CIDEA: variants seen among roughly 807,000 people sequenced by gnomAD.
CIDEA encodes lipid transferase CIDEA.
A neutral mutation model predicts 18.2 loss-of-function variants in CIDEA; 10 were observed. That is an observed-to-expected ratio of 0.55 (90% CI 0.34 to 0.93). The LOEUF (loss-of-function observed/expected upper bound fraction) is 0.93, where lower values mean the gene tolerates loss of function less well. Among genes scored for constraint, CIDEA ranks in the 40% least tolerant of loss-of-function variants. The pLI is 0.02. For missense variants in CIDEA, 309 were observed against 293.1 expected (o/e 1.05, Z -0.40); for synonymous variants, 128 against 124.8 (o/e 1.03, Z -0.17).
chr18:12,268,380 G>GT (rs11461529), intron 3 of CIDEA, among the ~76,000 whole-genome samples: 42,781 of 136,030 alleles, frequency 0.31, 6,670 homozygotes, highest in African/African-American at 0.4. Flanking sequence ...GCCCCCAGTG[G>GT]TTTTTTTTTT....
chr18:12,275,125 C>A (rs1912669771), intron 4 of CIDEA, among the ~76,000 whole-genome samples: 1 of 152,246 alleles, frequency 6.6e-6, no homozygotes, highest in Non-Finnish European at 1.5e-5. Context: ...GAGTTCGAGA[C>A]CAGCCTAGCC....
At position 12,277,510 on chromosome 18, in the gene CIDEA, C is replaced by T; in HGVS notation, c.*240C>T. On this transcript the variant is annotated 3_prime_UTR_variant, in exon 5 of 5. Coordinates refer to ENST00000320477, the MANE Select transcript of CIDEA (RefSeq NM_001279.4). Reference sequence around the variant, plus strand: ...GGGGTCATGGGAAGCGAGCACGCAGCAGGCGTGCCCAGGAGCGTGTGCATG... The same window carrying T: ...GGGGTCATGGGAAGCGAGCACGCAGTAGGCGTGCCCAGGAGCGTGTGCATG... 1.9e-6 allele frequency: 1 copy of T among 514,456 alleles called. No homozygotes were observed. The highest frequency in any genetic ancestry group is 2.3e-5 in the South Asian group (1 of 43,218). 31.9% of individuals were successfully genotyped at this position (514,456 alleles called of 1,614,324 possible).
Position 12,277,151 on chromosome 18 carries a change from G to A in CIDEA, c.541G>A (p.Ala181Thr), listed in dbSNP as rs115278913. The change falls in exon 5 of 5, where the codon GCC (alanine) becomes ACC (threonine). Residue 181 changes from alanine (A) to threonine (T), a missense_variant. By Grantham distance (58) the Ala-to-Thr change is moderately conservative. Transcript: ENST00000320477. ...TCTGCTGCGGTTCCTGTCCTACTCC[G>A]CCCAGGTGACGGGACAGTTTCTCAT... ...RSLLRFLSYS[A>T]QVTGQFLIYL... 3.5e-3 allele frequency: 5,574 copies of A among 1,614,088 alleles called. 14 individuals are homozygous for A. Among genetic ancestry groups the A allele is most frequent in the Non-Finnish European group, 4.1e-3 (4,877 of 1,180,010 alleles).
chr18:12,261,177 G>A (rs1278774801), intron 1 of CIDEA, among the ~76,000 whole-genome samples: 1 of 152,230 alleles, frequency 6.6e-6, no homozygotes, highest in Non-Finnish European at 1.5e-5. Flanking sequence ...GAGGTCAGGA[G>A]TTTGAAACCA....
Position 12,262,396 on chromosome 18 carries a change from T to C in CIDEA, c.39-429T>C, listed in dbSNP as rs563802751. ...TTTGAATTGATTTCTGGCTTACCCTTATTGTGTAAACATGTAGCTATGTGC... is the reference window on the plus strand; with the variant it reads ...TTTGAATTGATTTCTGGCTTACCCTCATTGTGTAAACATGTAGCTATGTGC... On this transcript the variant is annotated intron_variant, in intron 1 of 4. Transcript: ENST00000320477. Among the ~76,000 whole-genome samples, 211 of 152,314 alleles carry C rather than the reference T, an allele frequency of 1.4e-3. 3 individuals carry two copies. Among genetic ancestry groups the C allele is most frequent in the South Asian group, 7.0e-3 (34 of 4,832 alleles).
In CIDEA at chr18:12,277,435, A is replaced by T. The variant is rs1461929091; in HGVS notation, c.*165A>T. 7 of 627,254 alleles carry T rather than the reference A, an allele frequency of 1.1e-5. No individual in the cohort carries two copies. The highest frequency in any genetic ancestry group is 1.8e-5 in the Non-Finnish European group (7 of 395,966). 38.9% of individuals were successfully genotyped at this position (627,254 alleles called of 1,614,324 possible). ...AAGGAAAGGGCTTGGTGGTACATGA[A>T]GTGGGGGCAGTGGGCAGGGTGCCCT... is the stretch of plus-strand genomic sequence containing the variant. On this transcript the variant is annotated 3_prime_UTR_variant, in exon 5 of 5. Coordinates refer to ENST00000320477, the MANE Select transcript of CIDEA (RefSeq NM_001279.4).
intron 1 of CIDEA, among the ~76,000 whole-genome samples, chr18:12,259,861 CA>C (rs1912141534): frequency 6.6e-6 from 1 of 151,958 alleles, no homozygotes; most frequent in Non-Finnish European, 1.5e-5. Flanking sequence ...ACTCTGTCTC[CA>C]AAAACAAACA....
chr18:12,276,017 G>A lies in CIDEA; in HGVS notation c.513-1106G>A, dbSNP rs534016831. The stretch of plus-strand genomic sequence containing the variant: ...TCTTATTTTTTTTCTTTTTTGAGAC[G>A]GAATCTCACTCTGCTGCCCAGGCTG... On this transcript the variant is annotated intron_variant, in intron 4 of 4. Coordinates refer to ENST00000320477, the MANE Select transcript of CIDEA (RefSeq NM_001279.4). Among the ~76,000 whole-genome samples the A allele has an allele frequency of 3.4e-4, 42 of 123,170 alleles. 1 individual carries two copies. The highest frequency in any genetic ancestry group is 8.2e-4 in the Admixed American group (8 of 9,750). The allele number at this position is 123,170 out of a possible 152,430, so 80.8% of individuals were successfully genotyped here.
rs150856466 is a variant in CIDEA, at chr18:12,262,926, G to T, written c.140G>T (p.Arg47Leu). 2 of 1,613,974 alleles carry T rather than the reference G, an allele frequency of 1.2e-6. No individual in the cohort carries two copies. Among genetic ancestry groups the T allele is most frequent in the Non-Finnish European group, 1.7e-6 (2 of 1,180,028 alleles). ...FRVSNHDRSSRRGVMASSLQE... is the reference protein window; with the variant it reads ...FRVSNHDRSSLRGVMASSLQE... ...GTCTCCAACCATGACAGGAGCAGCC[G>T]GCGTGGGGTGATGGCAAGCAGCCTG... The change falls in exon 2 of 5, where the codon CGG (arginine) becomes CTG (leucine). Residue 47 changes from arginine to leucine, a missense_variant. Physicochemically the swap from Arg to Leu is moderately radical, Grantham distance 102. Coordinates refer to ENST00000320477, the MANE Select transcript of CIDEA (RefSeq NM_001279.4).
At chr18:12,274,043 G>T in intron 3 of CIDEA, 50 bp from the exon 4 acceptor site, 1 of 1,594,454 alleles carries the variant, frequency 6.3e-7, no homozygotes. Flanking sequence ...GTGATGACGT[G>T]GGAGGGTTAG....
In CIDEA at chr18:12,265,490, G is replaced by A. The variant is rs9966865; in HGVS notation, c.330+1037G>A. Among the ~76,000 whole-genome samples the A allele has an allele frequency of 1.5e-3, 233 of 152,318 alleles. 1 individual carries two copies. The highest frequency in any genetic ancestry group is 5.4e-3 in the African/African-American group (225 of 41,570). Reference sequence around the variant, plus strand: ...ACAAAGTCAAGGGGTGAGATGTGAGGGTCTGCGTAAAGCAGGGAATCTTAG... The same window carrying A: ...ACAAAGTCAAGGGGTGAGATGTGAGAGTCTGCGTAAAGCAGGGAATCTTAG... On this transcript the variant is annotated intron_variant, in intron 3 of 4. Coordinates refer to ENST00000320477, the MANE Select transcript of CIDEA (RefSeq NM_001279.4).
At chr18:12,274,315 G>A in intron 4 of CIDEA, 41 bp downstream of exon 4, 4 of 1,597,184 alleles carry the variant, frequency 2.5e-6, no homozygotes, top group African/African-American at 1.3e-5. Context: ...TCTGCAGACT[G>A]CACAGGGTGT....
At chr18:12,271,792 C>A (rs1406855036) in intron 3 of CIDEA, among the ~76,000 whole-genome samples, 2 of 152,008 alleles carry the variant, frequency 1.3e-5, no homozygotes, top group Admixed American at 6.5e-5. Flanking sequence ...CCAGTTTAGA[C>A]TGAGACCAGA....
rs116777437 is a variant in CIDEA at position 12,264,400 on chromosome 18, T to G, written c.277T>G (p.Leu93Val). ...GGACACAGAAGAGTTCTTTCAGACC[T>G]TGGGAGACAACACGCATTTCATGAT... Reference protein sequence around the residue: ...VVDTEEFFQTLGDNTHFMILE... With the variant: ...VVDTEEFFQTVGDNTHFMILE... The change falls in exon 3 of 5, where the codon TTG (leucine) becomes GTG (valine). Residue 93 changes from leucine (L) to valine (V), a missense_variant. Coordinates refer to ENST00000320477, the MANE Select transcript of CIDEA (RefSeq NM_001279.4). 9.6e-4 allele frequency: 1,556 copies of G among 1,614,052 alleles called. 18 individuals carry two copies. In the African/African-American group the frequency reaches 0.019, roughly 20 times the overall value.
At chr18:12,263,014 T>C in intron 2 of CIDEA, 45 bp downstream of exon 2, 1 of 1,599,722 alleles carries the variant, frequency 6.3e-7, no homozygotes, top group Non-Finnish European at 8.5e-7. Flanking sequence ...AGGGGTGCCC[T>C]GCACTCACAC....
rs138688596 is a variant in CIDEA, at chr18:12,254,393, G to C, written c.10G>C (p.Ala4Pro). The change falls in exon 1 of 5, where the codon GCC becomes CCC. Residue 4 changes from alanine to proline, a missense_variant. Ala to Pro is a conservative substitution (Grantham distance 27, BLOSUM62 -1). Coordinates refer to ENST00000320477, the MANE Select transcript of CIDEA (RefSeq NM_001279.4). MEA[A>P]RDYAGALIRP... Reference sequence around the variant, plus strand: ...CTAGGGGATCCGCGCCATGGAGGCCGCCCGGGACTATGCAGGAGCCCTCAT... The same window carrying C: ...CTAGGGGATCCGCGCCATGGAGGCCCCCCGGGACTATGCAGGAGCCCTCAT... The C allele has an allele frequency of 1.2e-5, 19 of 1,554,646 alleles. No individual in the cohort carries two copies. The East Asian group carries it at 4.1e-4, about 33-fold the overall frequency.
chr18:12,255,011 C>T (rs7240075), intron 1 of CIDEA: 2 of 1,111,574 alleles, frequency 1.8e-6, no homozygotes, highest in Non-Finnish European at 1.2e-6. Flanking sequence ...AGGGCGGAGA[C>T]GCTGCCTGGG....
At chr18:12,267,679 G>A (rs1912389914) in intron 3 of CIDEA, among the ~76,000 whole-genome samples, 1 of 152,130 alleles carries the variant, frequency 6.6e-6, no homozygotes, top group Admixed American at 6.5e-5. Flanking sequence ...ATTTTTAGTA[G>A]AGACAGGGTT....
At chr18:12,255,278 G>A (rs1598771997) in intron 1 of CIDEA, among the ~76,000 whole-genome samples, 1 of 152,228 alleles carries the variant, frequency 6.6e-6, no homozygotes, top group Admixed American at 6.5e-5. Context: ...GGGCTTGAAG[G>A]TGCAGGCGTT....
Sources: allele counts gnomAD v4.1 joint callset (sites outside exome capture counted in the v4.1 genomes callset), GRCh38; gene constraint gnomAD v4.1.1; transcripts MANE v1.5; gene names NCBI Gene and HGNC (gene_info 2026-07-23, HGNC 2026-07-21).